CMC1: variants seen among roughly 807,000 people sequenced by gnomAD.
CMC1 encodes the protein COX assembly mitochondrial protein homolog.
In CMC1, 14 loss-of-function variants were observed where a neutral mutation model predicts 14.1. The ratio of observed to expected loss-of-function variants is 0.99; its 90% CI spans 0.66 to 1.55. The LOEUF is 1.55. Ranked by LOEUF, CMC1 falls within the 40% of genes most tolerant of loss-of-function variation. CMC1 has a pLI of 0.00. For synonymous variants in CMC1, 50 were observed against 38.4 expected (o/e 1.30, Z -1.12); for missense variants, 127 against 123.8 (o/e 1.03, Z -0.12).
intron 2 of CMC1, 25 bp downstream of exon 2, chr3:28,263,405 G>A (rs751730235): frequency 2.1e-6 from 3 of 1,419,328 alleles, no homozygotes; most frequent in Admixed American, 2.0e-5. Flanking sequence ...TTCATGTAAA[G>A]ATCAAATTTA....
At position 28,319,527 on chromosome 3, in the gene CMC1, T is replaced by C; in HGVS notation, c.219T>C (p.Phe73=). Residue 73 remains phenylalanine (F), a synonymous_variant, in exon 4 of 4, where the codon TTT becomes TTC. Transcript: ENST00000466830. The part of the protein sequence containing the change: ...CLTAYYNDPA[F]YEECKMEYLK... ...CTCATAGCTATAATGATCCAGCCTTTTATGAAGAATGCAAAATGGAATACC... is the reference window on the plus strand; with the variant it reads ...CTCATAGCTATAATGATCCAGCCTTCTATGAAGAATGCAAAATGGAATACC... 6.2e-7 allele frequency: 1 copy of C among 1,602,752 alleles called. No homozygotes were observed. The highest frequency in any genetic ancestry group is 8.5e-7 in the Non-Finnish European group (1 of 1,173,174).
chr3:28,269,717 C>T (rs1045885527), intron 2 of CMC1, among the ~76,000 whole-genome samples: 2 of 152,136 alleles, frequency 1.3e-5, no homozygotes, highest in African/African-American at 4.8e-5. Context: ...AGGCGCACGC[C>T]ATGACGCCTC....
intron 2 of CMC1, among the ~76,000 whole-genome samples, chr3:28,309,030 G>A (rs1702486177): frequency 6.6e-6 from 1 of 151,844 alleles, no homozygotes; most frequent in East Asian, 1.9e-4. Flanking sequence ...CTAAAATTGG[G>A]TCTAGTGGAC....
intron 2 of CMC1, among the ~76,000 whole-genome samples, chr3:28,286,055 G>A (rs773155859): frequency 6.6e-5 from 10 of 152,082 alleles, no homozygotes; most frequent in Non-Finnish European, 8.8e-5. Flanking sequence ...ATGAGCCACC[G>A]CACCTGGCAG....
At chr3:28,248,336 C>G (rs1261252603) in intron 1 of CMC1, among the ~76,000 whole-genome samples, 1 of 152,152 alleles carries the variant, frequency 6.6e-6, no homozygotes, top group Non-Finnish European at 1.5e-5. Flanking sequence ...CACCTCCTCC[C>G]AGGGAGGTAG....
At chr3:28,281,263 A>G (rs1700881138) in intron 2 of CMC1, among the ~76,000 whole-genome samples, 1 of 152,236 alleles carries the variant, frequency 6.6e-6, no homozygotes, top group Non-Finnish European at 1.5e-5. Context: ...TATCAAATAA[A>G]TATTCAAATT....
chr3:28,285,243 A>T (rs1701110272), intron 2 of CMC1, among the ~76,000 whole-genome samples: 1 of 152,164 alleles, frequency 6.6e-6, no homozygotes, highest in African/African-American at 2.4e-5. Flanking sequence ...GTAGCTAAGG[A>T]GGTACTGGTG....
At chr3:28,267,063 G>C (rs1700039165) in intron 2 of CMC1, among the ~76,000 whole-genome samples, 1 of 152,094 alleles carries the variant, frequency 6.6e-6, no homozygotes, top group Non-Finnish European at 1.5e-5. Flanking sequence ...CTAGGAGTTA[G>C]CACCTTGTGT....
At chr3:28,290,719 GA>G (rs1701428316) in intron 2 of CMC1, among the ~76,000 whole-genome samples, 1 of 151,978 alleles carries the variant, frequency 6.6e-6, no homozygotes, top group South Asian at 2.1e-4. Flanking sequence ...TTTTCTGGGG[GA>G]ATTTTTTTCC....
At chr3:28,270,092 T>C (rs887926631) in intron 2 of CMC1, among the ~76,000 whole-genome samples, 7 of 152,126 alleles carry the variant, frequency 4.6e-5, no homozygotes, top group African/African-American at 1.7e-4. Context: ...ATGTCCCTCA[T>C]TCCTTTTTAT....
At chr3:28,254,477 T>A (rs1211176747) in intron 1 of CMC1, among the ~76,000 whole-genome samples, 1 of 152,178 alleles carries the variant, frequency 6.6e-6, no homozygotes, top group Non-Finnish European at 1.5e-5. Context: ...CTGGAATTAT[T>A]TATTTGCCCT....
intron 2 of CMC1, among the ~76,000 whole-genome samples, chr3:28,270,846 T>C (rs1190677934): frequency 6.6e-6 from 1 of 152,050 alleles, no homozygotes; most frequent in African/African-American, 2.4e-5. Context: ...TCCTGAATGG[T>C]ATTGCCTAGA....
intron 2 of CMC1, among the ~76,000 whole-genome samples, chr3:28,271,756 A>C (rs1381456659): frequency 6.6e-6 from 1 of 152,178 alleles, no homozygotes; most frequent in Non-Finnish European, 1.5e-5. Context: ...TCCGAATTCT[A>C]GTGGATGCTT....
In CMC1 at chr3:28,320,693, C is replaced by T. The variant is rs549926752; in HGVS notation, c.*1064C>T. On this transcript the variant is annotated 3_prime_UTR_variant, in exon 4 of 4. Coordinates refer to ENST00000466830, the MANE Select transcript of CMC1 (RefSeq NM_182523.2). ...TTCTTAACCTGATAACTTGTTAGTC[C>T]TTTAATCTTTCATTTTGAAAAGTTA... 1.3e-5 allele frequency: 2 copies of T among 151,528 alleles called. No homozygotes were observed. The highest frequency in any genetic ancestry group is 4.8e-5 in the African/African-American group (2 of 41,432). The allele number at this position is 151,528 out of a possible 1,614,324, so 9.4% of individuals were successfully genotyped here. A position where few individuals can be genotyped will look rare whatever the true frequency, so the allele number is the denominator to read the frequency against.
chr3:28,289,043 T>A (rs1020432306), intron 2 of CMC1, among the ~76,000 whole-genome samples: 1 of 151,616 alleles, frequency 6.6e-6, no homozygotes, highest in Admixed American at 6.6e-5. Context: ...ATCATTCTTT[T>A]ATTTTCTTTT....
At chr3:28,316,552 C>A in intron 3 of CMC1, 129 bp downstream of exon 3, 2 of 442,352 alleles carry the variant, frequency 4.5e-6, no homozygotes, top group South Asian at 7.5e-5. Context: ...TTGGCTGAGT[C>A]TAAAGTTCCA....
intron 2 of CMC1, among the ~76,000 whole-genome samples, chr3:28,283,070 AG>A (rs1257185716): frequency 4.0e-5 from 6 of 148,604 alleles, no homozygotes; most frequent in African/African-American, 1.5e-4. Context: ...ATACCTTCCT[AG>A]TCAGTGACAT....
At chr3:28,274,834 T>C (rs1348761548) in intron 2 of CMC1, among the ~76,000 whole-genome samples, 1 of 152,170 alleles carries the variant, frequency 6.6e-6, no homozygotes, top group Non-Finnish European at 1.5e-5. Context: ...TTCTCTGATC[T>C]TGTCTGCCTG....
At chr3:28,259,578 T>G (rs902722830) in intron 1 of CMC1, among the ~76,000 whole-genome samples, 1 of 152,198 alleles carries the variant, frequency 6.6e-6, no homozygotes, top group African/African-American at 2.4e-5. Context: ...ATGCATTTTT[T>G]TTGTTGTTCT....
Sources: allele counts gnomAD v4.1 joint callset (sites outside exome capture counted in the v4.1 genomes callset), GRCh38; gene constraint gnomAD v4.1.1; transcripts MANE v1.5; gene names NCBI Gene and HGNC (gene_info 2026-07-23, HGNC 2026-07-21).